Variants in ACLY observed in about 807,000 individuals in gnomAD.
ACLY encodes the protein ATP citrate lyase.
In ACLY, 41 loss-of-function variants were observed where a neutral mutation model predicts 133.0. The ratio of observed to expected loss-of-function variants is 0.31; its 90% confidence interval spans 0.24 to 0.40. The LOEUF (loss-of-function observed/expected upper bound fraction) is 0.40, where lower values mean the gene tolerates loss of function less well. ACLY is among the 10% of genes least tolerant of loss of function. ACLY has a pLI of 1.00. For missense variants in ACLY, 1,046 were observed against 1,453.8 expected (o/e 0.72, Z 4.56); for synonymous variants, 495 against 549.3 (o/e 0.90, Z 1.38).
intron 8 of ACLY, among the ~76,000 whole-genome samples, chr17:41,905,961 C>T (rs1400545655): frequency 1.3e-5 from 2 of 152,148 alleles, no homozygotes; most frequent in Non-Finnish European, 2.9e-5. Context: ...TCACACACTG[C>T]AGGAGTCCCT....
chr17:41,913,953 C>T (rs2049979690), intron 1 of ACLY, 57 bp from the exon 2 acceptor site: 4 of 1,559,962 alleles, frequency 2.6e-6, no homozygotes, highest in South Asian at 2.3e-5. Context: ...GCACTATCTT[C>T]CCCAGCAGGG....
At chr17:41,875,275 G>A (rs1329624840) in intron 22 of ACLY, among the ~76,000 whole-genome samples, 1 of 151,768 alleles carries the variant, frequency 6.6e-6, no homozygotes, top group African/African-American at 2.4e-5. Context: ...GCTTGAATCT[G>A]GGAGGAGGAG....
intron 16 of ACLY, 134 bp downstream of exon 16, chr17:41,892,145 T>TC (rs1271373037): frequency 4.7e-6 from 4 of 857,208 alleles, no homozygotes; most frequent in Non-Finnish European, 7.0e-6. Flanking sequence ...CAGCCCTTTG[T>TC]CCCAGGCAGC....
intron 12 of ACLY, among the ~76,000 whole-genome samples, chr17:41,898,190 G>A (rs1288150017): frequency 6.6e-6 from 1 of 152,160 alleles, no homozygotes; most frequent in Non-Finnish European, 1.5e-5. Context: ...ACAGCTCACT[G>A]CAACCTCCGC....
At chr17:41,901,100 G>A (rs2049525849) in intron 11 of ACLY, among the ~76,000 whole-genome samples, 1 of 151,650 alleles carries the variant, frequency 6.6e-6, no homozygotes, top group South Asian at 2.1e-4. Context: ...GACTACAGGT[G>A]TGTACCACCA....
In ACLY at chr17:41,898,724, C is replaced by A; in HGVS notation, c.1245G>T (p.Val415=). Residue 415 remains valine, a synonymous_variant, in exon 12 of 29, where the codon GTG becomes GTT. Transcript: ENST00000352035. ...TGGGCCGGTGGCCCAGGGCCATGCC[C>A]ACAATGGCCGTCATGTGAGTCTCTG... The part of the protein sequence containing the change: ...FGTETHMTAI[V]GMALGHRPIP... 1 of 1,613,994 alleles carries A rather than the reference C, an allele frequency of 6.2e-7. No homozygotes were observed. Among genetic ancestry groups the A allele is most frequent in the South Asian group, 1.1e-5 (1 of 91,028 alleles).
At chr17:41,926,206 C>T (rs1555635942) in intron 1 of ACLY, among the ~76,000 whole-genome samples, 1 of 152,158 alleles carries the variant, frequency 6.6e-6, no homozygotes, top group African/African-American at 2.4e-5. Flanking sequence ...AAAGCAATAA[C>T]ATGAGGAACA....
intron 14 of ACLY, among the ~76,000 whole-genome samples, chr17:41,895,989 T>G (rs2049354841): frequency 1.3e-5 from 2 of 152,074 alleles, no homozygotes; most frequent in African/African-American, 4.8e-5. Flanking sequence ...CAGACAAAGC[T>G]CATACCCCTT....
At chr17:41,882,978 C>A in intron 20 of ACLY, 144 bp downstream of exon 20, 5 of 656,104 alleles carry the variant, frequency 7.6e-6, no homozygotes, top group Non-Finnish European at 2.5e-6. Context: ...AGGGCCCTGG[C>A]TGGACTTTGT....
chr17:41,919,934 T>C (rs1332140558), upstream of ACLY, among the ~76,000 whole-genome samples: 1 of 152,184 alleles, frequency 6.6e-6, no homozygotes, highest in Non-Finnish European at 1.5e-5. Flanking sequence ...CCTCCCTCCC[T>C]ACCTGCACCC....
At chr17:41,882,367 C>CAAAAAAAAAAAAAAAAAAAAAAAA (rs34078258) in intron 20 of ACLY, among the ~76,000 whole-genome samples, 2 of 40,252 alleles carry the variant, frequency 5.0e-5, no homozygotes, top group African/African-American at 1.1e-4. Flanking sequence ...ACCCTGTCTC[C>CAAAAAAAAAAAAAAAAAAAAAAAA]AAAAAAAAAA....
chr17:41,921,496 C>A (rs76863145), upstream of ACLY, among the ~76,000 whole-genome samples: 20,933 of 132,620 alleles, frequency 0.16, 1,718 homozygotes, highest in East Asian at 0.18. Flanking sequence ...AAAAAAAAAA[C>A]AAAAAAGAAA....
Position 41,896,800 on chromosome 17 carries a change from A to T in ACLY, c.1430-151T>A, listed in dbSNP as rs547262151. 5 of 613,198 alleles carry T rather than the reference A, an allele frequency of 8.2e-6. No homozygotes were observed. The South Asian group carries it at 1.3e-4, about 17-fold the overall frequency. 38.0% of individuals were successfully genotyped at this position (613,198 alleles called of 1,614,324 possible). A position where few individuals can be genotyped will look rare whatever the true frequency, so the allele number is the denominator to read the frequency against. ...TCTCCTGTTCTGCAATGGACAACGGAGTAAGGCCAGCAGAAGAGGTGAAAG... is the reference window on the plus strand; with the variant it reads ...TCTCCTGTTCTGCAATGGACAACGGTGTAAGGCCAGCAGAAGAGGTGAAAG... On this transcript the variant is annotated intron_variant, in intron 13 of 28. Coordinates refer to ENST00000352035, the MANE Select transcript of ACLY (RefSeq NM_001096.3).
chr17:41,880,161 C>T lies in ACLY; in HGVS notation c.2266-1237G>A, dbSNP rs530930485. Among the ~76,000 whole-genome samples, 22 of 152,332 alleles carry T rather than the reference C, an allele frequency of 1.4e-4. No individual in the cohort carries two copies. The East Asian group carries it at 3.3e-3, about 23-fold the overall frequency. Reference sequence around the variant, plus strand: ...CTGTTTACATAACACTATGTTCAGGCACTTTTCTAAGAGTTTTACTCATTC... The same window carrying T: ...CTGTTTACATAACACTATGTTCAGGTACTTTTCTAAGAGTTTTACTCATTC... On this transcript the variant is annotated intron_variant, in intron 20 of 28. Transcript: ENST00000352035.
rs1468162689 is a variant in ACLY, at chr17:41,873,946, T to G, written c.2507A>C (p.Lys836Thr). 6.2e-7 allele frequency: 1 copy of G among 1,605,116 alleles called. No individual in the cohort carries two copies. Among genetic ancestry groups the G allele is most frequent in the African/African-American group, 1.3e-5 (1 of 74,656 alleles). The stretch of plus-strand genomic sequence containing the variant: ...GATGCTGGTCATGAACGAGGCAGGT[T>G]TGCGGATCAAACCAAGCTCCTGGGC... ...SWARELGLIR[K>T]PASFMTSICD... Residue 836 changes from lysine to threonine, a missense_variant, in exon 23 of 29, where the codon AAA becomes ACA. Lys to Thr is a moderately conservative substitution (Grantham distance 78). Around this residue, in one of 4 missense-constraint regions of ACLY, gnomAD observed 205 missense variants for 373.3 expected, o/e 0.55. Transcript: ENST00000352035.
chr17:41,868,883 G>A, intron 27 of ACLY, 98 bp from the exon 28 acceptor site: 1 of 1,390,600 alleles, frequency 7.2e-7, no homozygotes, highest in African/African-American at 1.4e-5. Context: ...AAGAAAAGGG[G>A]TGCTCTGGGT....
chr17:41,928,852 TAAAA>T (rs11428338), intron 1 of ACLY, among the ~76,000 whole-genome samples: 2 of 119,826 alleles, frequency 1.7e-5, no homozygotes, highest in Non-Finnish European at 3.3e-5. Flanking sequence ...GACTCCACCA[TAAAA>T]AAAAAAAAAA....
Position 41,928,622 on chromosome 17 carries a change from C to T in ACLY, c.-28+1736G>A, listed in dbSNP as rs139170687. ...ATCCCAGCACTTTGAGAGGCTGAGG[C>T]GGGCAGATCACCTGAGGTCAGGAGT... On this transcript the variant is annotated intron_variant, in intron 1 of 3. Coordinates refer to the ACLY transcript ENST00000592970. Among the ~76,000 whole-genome samples, 9 of 151,316 alleles carry T rather than the reference C, an allele frequency of 5.9e-5. No individual in the cohort carries two copies. In the East Asian group the frequency reaches 1.4e-3, roughly 23 times the overall value.
At chr17:41,897,225 C>T (rs2049394075) in intron 13 of ACLY, among the ~76,000 whole-genome samples, 1 of 150,548 alleles carries the variant, frequency 6.6e-6, no homozygotes, top group African/African-American at 2.4e-5. Flanking sequence ...GCAGGAATCA[C>T]ATCTACACGG....
Sources: gnomAD v4.1 joint callset for allele counts (sites outside exome capture counted in the v4.1 genomes callset) on GRCh38, gnomAD v4.1.1 for gene constraint, gnomAD v4.1.1 regional missense constraint, MANE v1.5 for transcripts, NCBI Gene and HGNC (gene_info 2026-07-23, HGNC 2026-07-21) for gene names.